FHIT: variants seen among roughly 807,000 people sequenced by gnomAD.
The protein encoded by FHIT is bis(5'-adenosyl)-triphosphatase.
FHIT carries 19 observed loss-of-function variants against 17.9 expected under a neutral mutation model. The observed-to-expected ratio is 1.06, with a 90% CI of 0.74 to 1.56. The LOEUF is 1.56. Among genes scored for constraint, FHIT ranks in the 40% most tolerant of loss-of-function variants. The pLI, the probability that FHIT is intolerant of heterozygous loss-of-function variation, is 0.00. For missense variants in FHIT, 248 were observed against 189.2 expected, an observed-to-expected ratio of 1.31 and a Z score of -1.82; for synonymous variants, 81 against 69.7, an observed-to-expected ratio of 1.16 and a Z score of -0.81.
chr3:60,754,677 G>C (rs1394918320), intron 4 of FHIT, among the ~76,000 whole-genome samples: 1 of 151,822 alleles, frequency 6.6e-6, no homozygotes, highest in African/African-American at 2.4e-5. Flanking sequence ...AGAAGCTTTT[G>C]GGAGATACTC....
At chr3:60,839,888 C>G (rs1702661009) in intron 3 of FHIT, among the ~76,000 whole-genome samples, 3 of 152,098 alleles carry the variant, frequency 2.0e-5, no homozygotes. Context: ...TAAAAAGTGT[C>G]TATGTGATAA....
intron 3 of FHIT, among the ~76,000 whole-genome samples, chr3:60,996,744 T>A (rs1008930959): frequency 6.6e-6 from 1 of 152,248 alleles, no homozygotes; most frequent in Admixed American, 6.5e-5. Flanking sequence ...AATGAATTCC[T>A]GCTTAAGTAT....
At chr3:60,303,086 T>C (rs1423626270) in intron 5 of FHIT, among the ~76,000 whole-genome samples, 6 of 152,140 alleles carry the variant, frequency 3.9e-5, no homozygotes, top group Non-Finnish European at 4.4e-5. Flanking sequence ...TTTAAAAATA[T>C]TGTCATCGAG....
intron 5 of FHIT, among the ~76,000 whole-genome samples, chr3:60,196,697 A>T (rs1702655992): frequency 6.6e-6 from 1 of 152,118 alleles, no homozygotes; most frequent in African/African-American, 2.4e-5. Flanking sequence ...ATACATACAT[A>T]TAAACATATA....
At chr3:59,979,411 A>G (rs1426343782) in intron 7 of FHIT, among the ~76,000 whole-genome samples, 1 of 152,194 alleles carries the variant, frequency 6.6e-6, no homozygotes, top group African/African-American at 2.4e-5. Flanking sequence ...CAGGGAAAAC[A>G]AGATACTTAG....
chr3:60,888,920 C>A (rs1003922174), intron 3 of FHIT, among the ~76,000 whole-genome samples: 1 of 152,164 alleles, frequency 6.6e-6, no homozygotes, highest in South Asian at 2.1e-4. Context: ...TCAGATTTCA[C>A]CATGTTAGAT....
At chr3:60,790,730 C>T (rs1700748430) in intron 4 of FHIT, among the ~76,000 whole-genome samples, 1 of 152,278 alleles carries the variant, frequency 6.6e-6, no homozygotes, top group East Asian at 1.9e-4. Context: ...ACGAGAGATA[C>T]ATGATGTTAC....
chr3:60,639,062 T>C (rs1355802028), intron 4 of FHIT, among the ~76,000 whole-genome samples: 2 of 142,726 alleles, frequency 1.4e-5, no homozygotes, highest in Admixed American at 7.2e-5. Context: ...GCATGCAAGA[T>C]TCAAGCATCC....
intron 4 of FHIT, among the ~76,000 whole-genome samples, chr3:60,760,185 C>A (rs768308894): frequency 7.2e-5 from 11 of 152,074 alleles, no homozygotes; most frequent in African/African-American, 1.9e-4. Context: ...GGAGAGGAAC[C>A]CAAATGATGC....
chr3:60,217,867 T>C (rs187891392), intron 5 of FHIT, among the ~76,000 whole-genome samples: 1 of 152,328 alleles, frequency 6.6e-6, no homozygotes, highest in East Asian at 1.9e-4. Flanking sequence ...ATATGTTATG[T>C]ATCCTTTTAT....
chr3:60,226,642 G>C (rs538047227), intron 5 of FHIT, among the ~76,000 whole-genome samples: 1 of 152,122 alleles, frequency 6.6e-6, no homozygotes, highest in African/African-American at 2.4e-5. Context: ...AGGAAGCATG[G>C]AGGGAAAACA....
At chr3:60,453,366 A>C (rs1288858914) in intron 5 of FHIT, among the ~76,000 whole-genome samples, 1 of 152,144 alleles carries the variant, frequency 6.6e-6, no homozygotes, top group Non-Finnish European at 1.5e-5. Flanking sequence ...TAAGCTCTTA[A>C]AGGCGAGGTA....
intron 4 of FHIT, among the ~76,000 whole-genome samples, chr3:60,700,256 A>T (rs944506636): frequency 2.0e-5 from 3 of 152,178 alleles, no homozygotes; most frequent in Non-Finnish European, 4.4e-5. Flanking sequence ...CAAAAAATAG[A>T]AACAATTACT....
rs5849398 is a variant in FHIT at position 60,870,262 on chromosome 3, GA to G, written c.-110-48252del. Among the ~76,000 whole-genome samples the G allele has an allele frequency of 1.4e-4, 22 of 151,752 alleles. No individual in the cohort carries two copies. The South Asian group carries it at 1.9e-3, about 13-fold the overall frequency. ...ATACAGAGGTATTTAAACACACAAA[GA>G]AAAAAAAAAACAGGTCAGCAAGACT... On this transcript the variant is annotated intron_variant, in intron 3 of 9. Coordinates refer to ENST00000492590, the MANE Select transcript of FHIT (RefSeq NM_002012.4).
chr3:60,746,862 G>T (rs1375127894), intron 4 of FHIT, among the ~76,000 whole-genome samples: 1 of 152,108 alleles, frequency 6.6e-6, no homozygotes, highest in East Asian at 1.9e-4. Flanking sequence ...AAAGAGTTCA[G>T]CTATTGTGAA....
intron 5 of FHIT, among the ~76,000 whole-genome samples, chr3:60,318,280 A>C (rs2106791538): frequency 6.6e-6 from 1 of 152,344 alleles, no homozygotes; most frequent in East Asian, 1.9e-4. Context: ...CATCAAAAGA[A>C]AGAACTAACA....
intron 5 of FHIT, among the ~76,000 whole-genome samples, chr3:60,341,913 G>A (rs1366191778): frequency 6.6e-6 from 1 of 152,090 alleles, no homozygotes; most frequent in Non-Finnish European, 1.5e-5. Context: ...GCCAAAACGA[G>A]GTTCTTGTCA....
At chr3:59,967,022 A>G (rs1415111932) in intron 7 of FHIT, among the ~76,000 whole-genome samples, 1 of 150,670 alleles carries the variant, frequency 6.6e-6, no homozygotes, top group Non-Finnish European at 1.5e-5. Flanking sequence ...AAAACCTTTT[A>G]TTTTTTACTT....
At chr3:60,305,049 A>G (rs765940971) in intron 5 of FHIT, among the ~76,000 whole-genome samples, 18 of 152,236 alleles carry the variant, frequency 1.2e-4, no homozygotes, top group South Asian at 2.1e-4. Context: ...TGAAAATCCT[A>G]CCACTCGTGT....
Sources: allele counts gnomAD v4.1 joint callset (sites outside exome capture counted in the v4.1 genomes callset), GRCh38; gene constraint gnomAD v4.1.1; transcripts MANE v1.5; gene names NCBI Gene and HGNC (gene_info 2026-07-23, HGNC 2026-07-21).